Variants in PHAF1 observed in about 807,000 individuals in gnomAD.
PHAF1 encodes phagophore assembly factor 1, also known as phagosome assembly factor 1.
PHAF1 carries 23 observed loss-of-function variants against 63.1 expected under a neutral mutation model. That is an observed-to-expected ratio of 0.36 (90% CI 0.26 to 0.52). The LOEUF is 0.52. PHAF1 is among the 20% of genes least tolerant of loss of function. PHAF1 has a pLI of 0.93. For synonymous variants in PHAF1, 167 were observed against 185.0 expected, an observed-to-expected ratio of 0.90 and a Z score of 0.79; for missense variants, 427 against 517.2, an observed-to-expected ratio of 0.83 and a Z score of 1.69.
At chr16:67,119,966 G>T in intron 1 of PHAF1, 146 bp from the exon 2 acceptor site, 2 of 610,972 alleles carry the variant, frequency 3.3e-6, no homozygotes, top group Non-Finnish European at 5.8e-6. Context: ...ACTGCTTATT[G>T]AACTCTTATT....
At chr16:67,141,913 G>A (rs932745257) in intron 10 of PHAF1, among the ~76,000 whole-genome samples, 8 of 152,204 alleles carry the variant, frequency 5.3e-5, no homozygotes, top group African/African-American at 1.2e-4. Flanking sequence ...TGTGGAAAGC[G>A]GGGCAGGGCA....
intron 8 of PHAF1, chr16:67,139,720 A>C: frequency 4.5e-6 from 2 of 445,032 alleles, no homozygotes; most frequent in Non-Finnish European, 4.0e-6. Context: ...ATGGTAGGCA[A>C]TAAAGTAGTG....
In PHAF1 at chr16:67,117,199, A is replaced by ATTTTTTTTTTT. The variant is rs750308105; in HGVS notation, c.65-2900_65-2890dup. 5.8e-3 allele frequency among the ~76,000 whole-genome samples: 644 copies of ATTTTTTTTTTT among 111,806 alleles called. 1 individual carries two copies. The highest frequency in any genetic ancestry group is 0.016 in the African/African-American group (411 of 25,088). 73.3% of individuals were successfully genotyped at this position (111,806 alleles called of 152,430 possible). A position where few individuals can be genotyped will look rare whatever the true frequency, so the allele number is the denominator to read the frequency against. On this transcript the variant is annotated intron_variant, in intron 1 of 15. Coordinates refer to ENST00000219139, the MANE Select transcript of PHAF1 (RefSeq NM_025187.5). ...AGGCACACACCACCATGCCCAGCTA[A>ATTTTTTTTTTT]TTTTTTTTTTTTTTTTTTTTTTTGT...
intron 3 of PHAF1, 86 bp from the exon 4 acceptor site, chr16:67,131,200 T>TTA (rs1555545401): frequency 2.1e-4 from 108 of 522,984 alleles, no homozygotes; most frequent in Non-Finnish European, 2.4e-4. Flanking sequence ...TTTTTTTTTT[T>TTA]ACTATTTATT....
Position 67,112,804 on chromosome 16 carries a change from A to G in PHAF1, c.64+2565A>G, listed in dbSNP as rs560609857. On this transcript the variant is annotated intron_variant, in intron 1 of 15. Transcript: ENST00000219139. ...GCTCATAGACTGGCCCAGAGGCTTC[A>G]TGATTCCCTTGGGTCTTAAAATTCA... 3.9e-5 allele frequency among the ~76,000 whole-genome samples: 6 copies of G among 152,358 alleles called. No homozygotes were observed. The South Asian group carries it at 1.2e-3, about 32-fold the overall frequency.
At chr16:67,134,539 C>A in intron 8 of PHAF1, 72 bp downstream of exon 8, 2 of 1,271,186 alleles carry the variant, frequency 1.6e-6, no homozygotes, top group Non-Finnish European at 2.3e-6. Context: ...ATCCCACGTG[C>A]TTAGGGTGTG....
rs549618179 is a variant in PHAF1, at chr16:67,141,238, G to C, written c.879+644G>C. Among the ~76,000 whole-genome samples, 5 of 152,304 alleles carry C rather than the reference G, an allele frequency of 3.3e-5. No homozygotes were observed. In the South Asian group the frequency reaches 1.0e-3, roughly 32 times the overall value. ...AAACAGTAGATTTCACAGAGGGAGT[G>C]AGGAGAGACTGAGTCTGCCTAAGTG... is the stretch of plus-strand genomic sequence containing the variant. On this transcript the variant is annotated intron_variant, in intron 10 of 15. Transcript: ENST00000219139.
chr16:67,135,173 A>T (rs1373135768), intron 8 of PHAF1: 3 of 157,178 alleles, frequency 1.9e-5, no homozygotes, highest in Admixed American at 1.9e-4. Context: ...TTTGAGACAG[A>T]GTCTTACTCT....
intron 3 of PHAF1, among the ~76,000 whole-genome samples, chr16:67,127,712 C>T (rs1165935715): frequency 6.6e-6 from 1 of 151,892 alleles, no homozygotes; most frequent in Non-Finnish European, 1.5e-5. Context: ...AGGAGAATGG[C>T]GTGAACCCGG....
chr16:67,133,936 C>A (rs922447408), intron 6 of PHAF1, among the ~76,000 whole-genome samples: 2 of 151,288 alleles, frequency 1.3e-5, no homozygotes, highest in African/African-American at 2.4e-5. Flanking sequence ...CAGAGTGAGA[C>A]TCCGTCTCAA....
At chr16:67,129,899 G>A (rs949552809) in intron 3 of PHAF1, among the ~76,000 whole-genome samples, 1 of 152,160 alleles carries the variant, frequency 6.6e-6, no homozygotes, top group Admixed American at 6.5e-5. Flanking sequence ...AGGCTTTCTT[G>A]TTTCAACCAG....
At position 67,111,116 on chromosome 16, in the gene PHAF1, G is replaced by C. The variant is rs1158411741; in HGVS notation, c.64+877G>C. ...GGCGTGAGCCACTGCACCCGGCCCC[G>C]CTTCTCTCTCTTTTGAAATATAGTC... On this transcript the variant is annotated intron_variant, in intron 1 of 15. Coordinates refer to ENST00000219139, the MANE Select transcript of PHAF1 (RefSeq NM_025187.5). Among the ~76,000 whole-genome samples the C allele has an allele frequency of 2.6e-5, 4 of 152,086 alleles. No individual in the cohort carries two copies. In the East Asian group the frequency reaches 7.7e-4, roughly 29 times the overall value.
At position 67,117,955 on chromosome 16, in the gene PHAF1, A is replaced by ATTT. The variant is rs558113041; in HGVS notation, c.65-2142_65-2140dup. 1.4e-3 allele frequency among the ~76,000 whole-genome samples: 183 copies of ATTT among 128,982 alleles called. 1 individual carries two copies. The highest frequency in any genetic ancestry group is 2.2e-3 in the Non-Finnish European group (132 of 60,846). The allele number at this position is 128,982 out of a possible 152,430, so 84.6% of individuals were successfully genotyped here. On this transcript the variant is annotated intron_variant, in intron 1 of 15. Transcript: ENST00000219139. ...AGGGGCACACCATCATGCCTGGCTG[A>ATTT]TTTTTTTTTTTTTTTTTGAGATAGA...
chr16:67,134,357 C>T lies in PHAF1; in HGVS notation c.551C>T (p.Ala184Val). 6.2e-7 allele frequency: 1 copy of T among 1,613,028 alleles called. No homozygotes were observed. The highest frequency in any genetic ancestry group is 1.1e-5 in the South Asian group (1 of 91,050). ...GCTCATTCTGTGTCTGTCCCCAGGG[C>T]TCCCATGATGCCTCTGAGCTGTTTC... ...YSGNSLQDTK[A>V]PMMPLSCFLG... The change falls in exon 8 of 16, where the codon GCT (alanine) becomes GTT (valine). Residue 184 changes from alanine to valine, a missense_variant and splice_region_variant. Transcript: ENST00000219139.
At chr16:67,132,555 C>T (rs1039893636) in intron 5 of PHAF1, 30 bp downstream of exon 5, 6 of 1,598,136 alleles carry the variant, frequency 3.8e-6, no homozygotes, top group Non-Finnish European at 5.1e-6. Context: ...TTCCTCTGGT[C>T]ATCAGTGGCA....
Position 67,110,137 on chromosome 16 carries a change from T to C in PHAF1, c.-39T>C, listed in dbSNP as rs775483894. On this transcript the variant is annotated 5_prime_UTR_variant, in exon 1 of 16. Coordinates refer to ENST00000219139, the MANE Select transcript of PHAF1 (RefSeq NM_025187.5). ...TCCTTAGCTCGGGTCCCTTCTGCGC[T>C]GCCGCAGGGAGGCCGCCCGGGCCAG... is the stretch of plus-strand genomic sequence containing the variant. 13 of 1,548,742 alleles carry C rather than the reference T, an allele frequency of 8.4e-6. No individual in the cohort carries two copies. The highest frequency in any genetic ancestry group is 1.1e-5 in the Non-Finnish European group (13 of 1,146,100).
chr16:67,129,786 G>T (rs1963321584), intron 3 of PHAF1, among the ~76,000 whole-genome samples: 1 of 152,246 alleles, frequency 6.6e-6, no homozygotes, highest in African/African-American at 2.4e-5. Flanking sequence ...ACTGATGGCG[G>T]AGTGTTAGGT....
intron 8 of PHAF1, chr16:67,134,715 C>T (rs1457304979): frequency 2.5e-5 from 15 of 598,208 alleles, no homozygotes; most frequent in Non-Finnish European, 3.1e-6. Flanking sequence ...AGAAACTTCT[C>T]CCCGTATCCT....
At chr16:67,126,264 G>A (rs1416816375) in intron 3 of PHAF1, among the ~76,000 whole-genome samples, 1 of 152,160 alleles carries the variant, frequency 6.6e-6, no homozygotes, top group Non-Finnish European at 1.5e-5. Context: ...GGGAAGGGCT[G>A]CTTTCCCAGG....
Sources: allele counts gnomAD v4.1 joint callset (sites outside exome capture counted in the v4.1 genomes callset), GRCh38; gene constraint gnomAD v4.1.1; transcripts MANE v1.5; gene names NCBI Gene and HGNC (gene_info 2026-07-23, HGNC 2026-07-21).